The following ITGB3BP variants were observed in gnomAD, a reference collection of about 807,000 sequenced individuals.
The protein encoded by ITGB3BP is centromere protein R.
Under a neutral mutation model 29.1 loss-of-function variants are expected in ITGB3BP, and 27 were observed. The observed-to-expected ratio is 0.93, with a 90% CI of 0.68 to 1.28. ITGB3BP has a LOEUF of 1.28. Among genes scored for constraint, ITGB3BP ranks in the 50% most tolerant of loss-of-function variants. The pLI is 0.00. For synonymous variants in ITGB3BP, 61 were observed against 61.4 expected, an observed-to-expected ratio of 0.99 and a Z score of 0.03; for missense variants, 192 against 200.2, an observed-to-expected ratio of 0.96 and a Z score of 0.25.
At chr1:63,492,260 T>C (rs1157839878) in intron 2 of ITGB3BP, among the ~76,000 whole-genome samples, 1 of 151,814 alleles carries the variant, frequency 6.6e-6, no homozygotes, top group Non-Finnish European at 1.5e-5. Flanking sequence ...GGCTTCTCTC[T>C]TTTTTTATTT....
chr1:63,446,571 G>A (rs1644793408), intron 8 of ITGB3BP: 5 of 482,962 alleles, frequency 1.0e-5, no homozygotes, highest in African/African-American at 1.9e-5. Flanking sequence ...GACTTTTAAA[G>A]TTAGCGTCGT....
chr1:63,487,245 A>G (rs1229422080), intron 3 of ITGB3BP, among the ~76,000 whole-genome samples: 1 of 151,962 alleles, frequency 6.6e-6, no homozygotes, highest in Non-Finnish European at 1.5e-5. Context: ...ACTCCAAAAA[A>G]TTTTCCAGTA....
At chr1:63,497,841 T>C (rs1393352660) in intron 2 of ITGB3BP, among the ~76,000 whole-genome samples, 2 of 152,200 alleles carry the variant, frequency 1.3e-5, no homozygotes, top group African/African-American at 4.8e-5. Context: ...ACTTTATCAC[T>C]GGGGTGTGTT....
At chr1:63,523,038 A>T (rs1450572855) in intron 1 of ITGB3BP, 91 bp downstream of exon 1, 1 of 1,496,946 alleles carries the variant, frequency 6.7e-7, no homozygotes. Flanking sequence ...CCGAAAAAAT[A>T]GGAAAACGAG....
Position 63,508,576 on chromosome 1 carries a change from A to G in ITGB3BP, c.6-6T>C. 1 of 1,320,948 alleles carries G rather than the reference A, an allele frequency of 7.6e-7. No homozygotes were observed. Among genetic ancestry groups the G allele is most frequent in the Non-Finnish European group, 1.0e-6 (1 of 963,538 alleles). 81.8% of individuals were successfully genotyped at this position (1,320,948 alleles called of 1,614,324 possible). A position where few individuals can be genotyped will look rare whatever the true frequency, so the allele number is the denominator to read the frequency against. On this transcript the variant is annotated splice_polypyrimidine_tract_variant and splice_region_variant and intron_variant, in intron 1 of 8. Transcript: ENST00000271002. The stretch of plus-strand genomic sequence containing the variant: ...ACTTCAGTGATCTTTTAACACTACA[A>G]ACAAAAAATTTAAAGAAATTTTAGA...
chr1:63,473,289 G>A (rs376091616), intron 4 of ITGB3BP, among the ~76,000 whole-genome samples: 11 of 150,966 alleles, frequency 7.3e-5, no homozygotes, highest in Admixed American at 2.6e-4. Context: ...CAGCCACCCC[G>A]TCTGGGAAGT....
chr1:63,498,053 TAAAAC>T (rs1373149309), intron 2 of ITGB3BP, among the ~76,000 whole-genome samples: 1 of 151,860 alleles, frequency 6.6e-6, no homozygotes, highest in African/African-American at 2.4e-5. Flanking sequence ...CCAAAATACA[TAAAAC>T]AAAAACTGGC....
At chr1:63,445,476 A>G (rs1172961263) in intron 8 of ITGB3BP, among the ~76,000 whole-genome samples, 1 of 152,224 alleles carries the variant, frequency 6.6e-6, no homozygotes, top group Non-Finnish European at 1.5e-5. Context: ...CAGGAAGCTA[A>G]TATTAATCAC....
chr1:63,448,586 A>G (rs1644821035), intron 7 of ITGB3BP, among the ~76,000 whole-genome samples: 1 of 152,056 alleles, frequency 6.6e-6, no homozygotes, highest in African/African-American at 2.4e-5. Context: ...AAATATGTAA[A>G]CCACTTAGAT....
At chr1:63,473,569 AG>A (rs1330707586) in intron 4 of ITGB3BP, among the ~76,000 whole-genome samples, 13 of 55,372 alleles carry the variant, frequency 2.3e-4, no homozygotes, top group East Asian at 6.2e-4. Flanking sequence ...GGGAGGGGGG[AG>A]GGGGGGTCAG....
chr1:63,469,904 A>T (rs899993150), intron 4 of ITGB3BP, among the ~76,000 whole-genome samples: 2 of 152,194 alleles, frequency 1.3e-5, no homozygotes, highest in Non-Finnish European at 2.9e-5. Flanking sequence ...CCCACGCTGT[A>T]AGGTTGTGGG....
At chr1:63,479,665 T>G (rs1404117105) in intron 3 of ITGB3BP, among the ~76,000 whole-genome samples, 1 of 152,144 alleles carries the variant, frequency 6.6e-6, no homozygotes, top group Non-Finnish European at 1.5e-5. Flanking sequence ...TTGACTTTTT[T>G]AGATCCCACT....
At chr1:63,470,584 T>C (rs920308102) in intron 4 of ITGB3BP, among the ~76,000 whole-genome samples, 1 of 152,190 alleles carries the variant, frequency 6.6e-6, no homozygotes, top group Non-Finnish European at 1.5e-5. Flanking sequence ...TATTCAGCCA[T>C]TGTTGTTAGC....
intron 1 of ITGB3BP, among the ~76,000 whole-genome samples, chr1:63,520,183 A>G (rs1008865869): frequency 6.6e-6 from 1 of 152,008 alleles, no homozygotes; most frequent in African/African-American, 2.4e-5. Context: ...CTGTCTACAT[A>G]GAATGAAATC....
At position 63,465,594 on chromosome 1, in the gene ITGB3BP, T is replaced by C. The variant is rs138908815; in HGVS notation, c.255-10626A>G. Among the ~76,000 whole-genome samples, 582 of 152,164 alleles carry C rather than the reference T, an allele frequency of 3.8e-3. 3 individuals carry two copies. Among genetic ancestry groups the C allele is most frequent in the African/African-American group, 0.013 (560 of 41,524 alleles). ...AAATTTTGTAGAGATGGGATCTCCC[T>C]ATGTTGCTCAGGCTTGAACTCCTGA... On this transcript the variant is annotated intron_variant, in intron 4 of 8. Transcript: ENST00000271002.
intron 7 of ITGB3BP, among the ~76,000 whole-genome samples, chr1:63,448,841 A>G (rs1004267295): frequency 1.3e-5 from 2 of 152,050 alleles, no homozygotes; most frequent in African/African-American, 4.8e-5. Flanking sequence ...CTTTTAACTG[A>G]TCAATTTTTA....
chr1:63,527,225 G>A (rs1646608576), upstream of ITGB3BP, among the ~76,000 whole-genome samples: 1 of 152,160 alleles, frequency 6.6e-6, no homozygotes, highest in South Asian at 2.1e-4. Flanking sequence ...CAATGTGTAT[G>A]TATTACTAAG....
chr1:63,512,330 C>T (rs936129509), intron 1 of ITGB3BP, among the ~76,000 whole-genome samples: 4 of 151,548 alleles, frequency 2.6e-5, no homozygotes, highest in Admixed American at 6.6e-5. Context: ...TTCATCAGAA[C>T]AGAAAAAGCA....
intron 7 of ITGB3BP, among the ~76,000 whole-genome samples, chr1:63,448,553 A>C (rs1644820723): frequency 6.6e-6 from 1 of 152,048 alleles, no homozygotes; most frequent in Admixed American, 6.6e-5. Flanking sequence ...ATAATACTAT[A>C]AACATTTGCT....
Sources: allele counts gnomAD v4.1 joint callset (sites outside exome capture counted in the v4.1 genomes callset), GRCh38; gene constraint gnomAD v4.1.1; transcripts MANE v1.5; gene names NCBI Gene and HGNC (gene_info 2026-07-23, HGNC 2026-07-21).